Variants in FNBP1 observed in about 807,000 individuals in gnomAD.
FNBP1 encodes formin-binding protein 1.
FNBP1 carries 26 observed loss-of-function variants against 90.6 expected under a neutral mutation model. The ratio of observed to expected loss-of-function variants is 0.29; its 90% confidence interval spans 0.21 to 0.40. The LOEUF is 0.40. Among genes scored for constraint, FNBP1 ranks in the 10% least tolerant of loss-of-function variants. The pLI, the probability that FNBP1 is intolerant of heterozygous loss-of-function variation, is 1.00. For missense variants in FNBP1, 635 were observed against 768.0 expected, an observed-to-expected ratio of 0.83 and a Z score of 2.05; for synonymous variants, 260 against 265.2, an observed-to-expected ratio of 0.98 and a Z score of 0.19.
intron 4 of FNBP1, among the ~76,000 whole-genome samples, chr9:129,965,028 A>G (rs1368384949): frequency 6.6e-6 from 1 of 152,192 alleles, no homozygotes; most frequent in African/African-American, 2.4e-5. Context: ...CCTGTGACAA[A>G]TCCTGTTTCC....
At chr9:129,927,722 C>T (rs900063896) in intron 7 of FNBP1, among the ~76,000 whole-genome samples, 4 of 151,984 alleles carry the variant, frequency 2.6e-5, no homozygotes, top group East Asian at 1.9e-4. Context: ...GATTCTCCTG[C>T]GTCAGCCTCC....
intron 2 of FNBP1, among the ~76,000 whole-genome samples, chr9:129,981,746 C>T (rs369634973): frequency 2.0e-3 from 299 of 152,230 alleles, no homozygotes; most frequent in African/African-American, 6.8e-3. Flanking sequence ...CTAATGTGTA[C>T]GTCAGCAGGG....
intron 2 of FNBP1, among the ~76,000 whole-genome samples, chr9:129,982,518 A>G (rs999600691): frequency 6.6e-6 from 1 of 152,190 alleles, no homozygotes; most frequent in African/African-American, 2.4e-5. Context: ...AAATGTGCGC[A>G]AAACAGATGA....
intron 15 of FNBP1, 66 bp from the exon 16 acceptor site, chr9:129,896,062 C>A: frequency 1.3e-6 from 2 of 1,484,642 alleles, no homozygotes; most frequent in Non-Finnish European, 1.8e-6. Flanking sequence ...AAACAGTGGC[C>A]TTCGCAATGA....
rs141282608 is a variant in FNBP1 at position 130,027,619 on chromosome 9, GACA to G, written c.24+15330_24+15332del. ...ATCATGGGTCAGGAATTTGGACAGG[GACA>G]ACTTTTCTCTGCTCCATCATTGCTG... On this transcript the variant is annotated intron_variant, in intron 1 of 16. Coordinates refer to ENST00000446176, the MANE Select transcript of FNBP1 (RefSeq NM_015033.3). 5.2e-3 allele frequency among the ~76,000 whole-genome samples: 787 copies of G among 152,252 alleles called. 3 individuals carry two copies. The highest frequency in any genetic ancestry group is 0.018 in the African/African-American group (744 of 41,550).
At chr9:130,037,644 A>G (rs1000859433) in intron 1 of FNBP1, among the ~76,000 whole-genome samples, 8 of 152,214 alleles carry the variant, frequency 5.3e-5, no homozygotes, top group Non-Finnish European at 1.0e-4. Flanking sequence ...TTAAAGGCAA[A>G]AAAGGTACTT....
intron 1 of FNBP1, among the ~76,000 whole-genome samples, chr9:130,010,586 T>C (rs907518959): frequency 2.6e-5 from 4 of 152,116 alleles, no homozygotes; most frequent in Admixed American, 6.6e-5. Context: ...GACGTGGTCA[T>C]AGCTACCTGT....
intron 1 of FNBP1, among the ~76,000 whole-genome samples, chr9:130,004,454 T>A (rs1448893401): frequency 6.6e-6 from 1 of 152,150 alleles, no homozygotes; most frequent in East Asian, 1.9e-4. Flanking sequence ...AAGGGAATGA[T>A]CTCCTCCACA....
rs531341016 is a variant in FNBP1, at chr9:129,991,359, C to T, written c.140+3484G>A. Among the ~76,000 whole-genome samples, 17 of 151,838 alleles carry T rather than the reference C, an allele frequency of 1.1e-4. No homozygotes were observed. The East Asian group carries it at 3.3e-3, about 29-fold the overall frequency. On this transcript the variant is annotated intron_variant, in intron 2 of 16. Transcript: ENST00000446176. ...CAATCATGGCTCACTGCAGCCCCAG[C>T]GTCTTGGGCTCAAGCATCCGCCCTC...
At chr9:130,007,138 A>G (rs2055836111) in intron 1 of FNBP1, among the ~76,000 whole-genome samples, 2 of 146,070 alleles carry the variant, frequency 1.4e-5, no homozygotes, top group Non-Finnish European at 3.0e-5. Flanking sequence ...GCTACCCAGG[A>G]GGCTGAGGTG....
intron 1 of FNBP1, among the ~76,000 whole-genome samples, chr9:130,032,537 C>A (rs192337436): frequency 6.6e-6 from 1 of 152,150 alleles, no homozygotes; most frequent in Admixed American, 6.5e-5. Context: ...CACATATACA[C>A]TTATGAAATC....
At chr9:129,925,589 C>T (rs1588593071) in intron 8 of FNBP1, among the ~76,000 whole-genome samples, 10 of 67,124 alleles carry the variant, frequency 1.5e-4, no homozygotes, top group Middle Eastern at 0.015. Flanking sequence ...TTCCTAGTAG[C>T]TTTTTTTTTT....
At chr9:129,936,771 A>T (rs546711243) in intron 6 of FNBP1, among the ~76,000 whole-genome samples, 2 of 152,270 alleles carry the variant, frequency 1.3e-5, no homozygotes, top group Non-Finnish European at 2.9e-5. Context: ...GCCACTGGAT[A>T]TTATTTTCTA....
intron 7 of FNBP1, 77 bp from the exon 8 acceptor site, chr9:129,927,418 C>T (rs1048445373): frequency 7.1e-6 from 10 of 1,418,258 alleles, no homozygotes; most frequent in Non-Finnish European, 9.8e-6. Context: ...AGCATTGTTA[C>T]CTCTAACAAG....
chr9:130,033,846 C>CAAAAAAAAAA (rs36040639), intron 1 of FNBP1, among the ~76,000 whole-genome samples: 28 of 103,430 alleles, frequency 2.7e-4, no homozygotes, highest in East Asian at 8.7e-4. Context: ...ACTAAAAATA[C>CAAAAAAAAAA]AAAAAAAAAA....
chr9:129,956,623 A>G (rs980319622), intron 6 of FNBP1, among the ~76,000 whole-genome samples: 1 of 152,194 alleles, frequency 6.6e-6, no homozygotes, highest in Non-Finnish European at 1.5e-5. Context: ...ACTGTTATCA[A>G]CCAGGAGGAA....
At chr9:129,969,982 A>G (rs974215944) in intron 4 of FNBP1, among the ~76,000 whole-genome samples, 1 of 138,004 alleles carries the variant, frequency 7.2e-6, no homozygotes, top group Non-Finnish European at 1.5e-5. Context: ...TCCGCTTCCC[A>G]GGTTCACGCC....
rs192509096 is a variant in FNBP1, at chr9:129,921,376, G to C, written c.1170+2468C>G. ...ACTACAGGCACATGCCACCATGCCT[G>C]GCTATTTTTTCATGGGTTTTTTTTT... is the stretch of plus-strand genomic sequence containing the variant. On this transcript the variant is annotated intron_variant, in intron 10 of 16. Transcript: ENST00000446176. 1.5e-3 allele frequency among the ~76,000 whole-genome samples: 222 copies of C among 150,930 alleles called. 1 individual carries two copies. The highest frequency in any genetic ancestry group is 5.3e-3 in the African/African-American group (217 of 41,142).
chr9:130,030,059 A>G (rs2058672973), intron 1 of FNBP1, among the ~76,000 whole-genome samples: 1 of 152,176 alleles, frequency 6.6e-6, no homozygotes, highest in Non-Finnish European at 1.5e-5. Flanking sequence ...GAAAGTGATG[A>G]GATAATAAAT....
Sources: gnomAD v4.1 joint callset for allele counts (sites outside exome capture counted in the v4.1 genomes callset) on GRCh38, gnomAD v4.1.1 for gene constraint, MANE v1.5 for transcripts, NCBI Gene and HGNC (gene_info 2026-07-23, HGNC 2026-07-21) for gene names.